The following NEBL variants were observed in gnomAD, a reference collection of about 807,000 sequenced individuals.
NEBL encodes LIM and SH3 protein 2.
Under a neutral mutation model 140.2 loss-of-function variants are expected in NEBL, and 122 were observed. The ratio of observed to expected loss-of-function variants is 0.87; its 90% CI spans 0.75 to 1.01. NEBL has a LOEUF of 1.01. Among genes scored for constraint, NEBL ranks in the 50% least tolerant of loss-of-function variants. NEBL has a pLI of 0.00. For missense variants in NEBL, 1,365 were observed against 1,231.3 expected (o/e 1.11, Z -1.62); for synonymous variants, 436 against 398.9 (o/e 1.09, Z -1.11).
At chr10:20,994,024 A>T (rs910150335) in intron 3 of NEBL, among the ~76,000 whole-genome samples, 11 of 152,208 alleles carry the variant, frequency 7.2e-5, no homozygotes, top group African/African-American at 2.4e-4. Context: ...AACTGCAGCC[A>T]TCTCACAACA....
Position 20,787,272 on chromosome 10 carries a change from G to T in NEBL, c.2798C>A (p.Ser933Tyr), listed in dbSNP as rs370451535. The T allele has an allele frequency of 6.2e-7, 1 of 1,613,342 alleles. No homozygotes were observed. Among genetic ancestry groups the T allele is most frequent in the African/African-American group, 1.3e-5 (1 of 74,866 alleles). Residue 933 changes from serine (S) to tyrosine (Y), a missense_variant, in exon 27 of 28, where the codon TCC (serine) becomes TAC (tyrosine). By Grantham distance (144) the Ser-to-Tyr change is moderately radical. Transcript: ENST00000377122. ...CTGGTGCATGTAGCCATAGCCTTGG[G>T]AATGGCTTTGCTGATAGGCTCCGGG... ...VLPGAYQQSH[S>Y]QGYGYMHQTS...
chr10:21,070,557 G>A (rs944117683), intron 2 of NEBL, among the ~76,000 whole-genome samples: 2 of 151,930 alleles, frequency 1.3e-5, no homozygotes, highest in African/African-American at 4.8e-5. Flanking sequence ...TTAGCTTCGT[G>A]AGTCTCCAAA....
chr10:21,174,316 AC>A (rs1236977295), upstream of NEBL: 5 of 152,170 alleles, frequency 3.3e-5, no homozygotes, highest in African/African-American at 1.2e-4. Flanking sequence ...CGTGGGTGCG[AC>A]TGTGCGGCCT....
chr10:21,186,395 G>C (rs1841472510), intron 3 of NEBL, among the ~76,000 whole-genome samples: 1 of 151,774 alleles, frequency 6.6e-6, no homozygotes, highest in South Asian at 2.1e-4. Flanking sequence ...AGGTCATGAG[G>C]GTGTATACGT....
chr10:21,206,997 A>G (rs1841837867), intron 3 of NEBL, among the ~76,000 whole-genome samples: 1 of 127,446 alleles, frequency 7.8e-6, no homozygotes, highest in Non-Finnish European at 1.6e-5. Context: ...TTTTTTAGAC[A>G]GAGTCTTGCT....
At chr10:20,836,929 A>G (rs758362915) in intron 13 of NEBL, among the ~76,000 whole-genome samples, 4 of 152,160 alleles carry the variant, frequency 2.6e-5, no homozygotes, top group Non-Finnish European at 4.4e-5. Flanking sequence ...ATGCACCCCT[A>G]TAAGTCAGTG....
At chr10:21,225,240 C>G (rs1842128629) in intron 3 of NEBL, among the ~76,000 whole-genome samples, 1 of 152,154 alleles carries the variant, frequency 6.6e-6, no homozygotes, top group South Asian at 2.1e-4. Flanking sequence ...TTCTCCCAAA[C>G]TGAGTCTCTC....
intron 3 of NEBL, among the ~76,000 whole-genome samples, chr10:21,246,910 A>G (rs1252326606): frequency 2.0e-5 from 3 of 152,160 alleles, no homozygotes; most frequent in South Asian, 2.1e-4. Context: ...TCTCACGTCA[A>G]ATTGTAATTC....
intron 23 of NEBL, among the ~76,000 whole-genome samples, chr10:20,813,478 T>C (rs3915911): frequency 0.27 from 40,572 of 152,032 alleles, 5,607 homozygotes; most frequent in East Asian, 0.39. Flanking sequence ...GTTGTGTAAC[T>C]GTAAATTATA....
At chr10:21,277,153 G>A (rs549012333) in intron 1 of NEBL, among the ~76,000 whole-genome samples, 4 of 150,778 alleles carry the variant, frequency 2.7e-5, no homozygotes, top group African/African-American at 9.7e-5. Flanking sequence ...AAAAAAACAC[G>A]ATTGCTCATG....
At chr10:21,178,818 C>T (rs968487107), upstream of NEBL, among the ~76,000 whole-genome samples, 1 of 152,124 alleles carries the variant, frequency 6.6e-6, no homozygotes, top group Non-Finnish European at 1.5e-5. Flanking sequence ...CCTTTCTAGA[C>T]TCGGAAAGAG....
At position 20,838,682 on chromosome 10, in the gene NEBL, T is replaced by C. The variant is rs539260952; in HGVS notation, c.1338+2057A>G. Among the ~76,000 whole-genome samples the C allele has an allele frequency of 7.9e-5, 12 of 152,254 alleles. No homozygotes were observed. In the South Asian group the frequency reaches 2.3e-3, roughly 29 times the overall value. On this transcript the variant is annotated intron_variant, in intron 13 of 27. Coordinates refer to ENST00000377122, the MANE Select transcript of NEBL (RefSeq NM_006393.3). Reference sequence around the variant, plus strand: ...TTTCATGAGAGGAAGAGGCAATTAATGTGGCAAACTTCATTGTCATCTTAT... The same window carrying C: ...TTTCATGAGAGGAAGAGGCAATTAACGTGGCAAACTTCATTGTCATCTTAT...
intron 1 of NEBL, among the ~76,000 whole-genome samples, chr10:21,291,864 C>A (rs1843148884): frequency 6.6e-6 from 1 of 152,078 alleles, no homozygotes; most frequent in African/African-American, 2.4e-5. Flanking sequence ...TGAGATCACG[C>A]CACTGCACTC....
chr10:21,257,677 A>C (rs1842676261), intron 1 of NEBL, among the ~76,000 whole-genome samples: 1 of 152,044 alleles, frequency 6.6e-6, no homozygotes, highest in Admixed American at 6.6e-5. Flanking sequence ...CAAGGTCAGG[A>C]GATCGAGACC....
intron 5 of NEBL, among the ~76,000 whole-genome samples, chr10:20,880,189 C>T (rs1168294565): frequency 6.6e-6 from 1 of 151,998 alleles, no homozygotes; most frequent in Non-Finnish European, 1.5e-5. Context: ...GGTGAAAACC[C>T]GTCTCTACTA....
At chr10:20,902,130 G>A (rs746511592), upstream of NEBL, among the ~76,000 whole-genome samples, 6 of 152,060 alleles carry the variant, frequency 3.9e-5, no homozygotes, top group Non-Finnish European at 7.4e-5. Flanking sequence ...GTGGCCGGGC[G>A]CGGTGGCTCA....
intron 25 of NEBL, 116 bp downstream of exon 25, chr10:20,809,690 C>T (rs982124085): frequency 2.2e-6 from 2 of 891,382 alleles, no homozygotes; most frequent in African/African-American, 1.7e-5. Context: ...TTTTGGTTTG[C>T]CAAATTCTCA....
intron 3 of NEBL, among the ~76,000 whole-genome samples, chr10:21,200,542 T>C (rs774384823): frequency 9.2e-5 from 14 of 151,990 alleles, no homozygotes; most frequent in Non-Finnish European, 1.5e-4. Context: ...TCGAACTCCT[T>C]ACCTCAGATG....
chr10:20,797,493 G>A (rs748641240), intron 26 of NEBL, among the ~76,000 whole-genome samples: 3 of 152,032 alleles, frequency 2.0e-5, no homozygotes, highest in Non-Finnish European at 2.9e-5. Flanking sequence ...TTGCTGAATG[G>A]GCACATATAT....
Sources: gnomAD v4.1 joint callset for allele counts (sites outside exome capture counted in the v4.1 genomes callset) on GRCh38, gnomAD v4.1.1 for gene constraint, MANE v1.5 for transcripts, NCBI Gene and HGNC (gene_info 2026-07-23, HGNC 2026-07-21) for gene names.